Variants in KIF15 observed in about 807,000 individuals in gnomAD.
KIF15 encodes the protein kinesin family member 15.
A neutral mutation model predicts 190.6 loss-of-function variants in KIF15; 140 were observed. The observed-to-expected ratio is 0.73, with a 90% CI of 0.64 to 0.84. KIF15 has a LOEUF of 0.84. Ranked by LOEUF, KIF15 falls within the 40% of genes least tolerant of loss-of-function variation. KIF15 has a pLI of 0.00. For missense variants in KIF15, 1,372 were observed against 1,584.4 expected (o/e 0.87, Z 2.28); for synonymous variants, 528 against 551.3 (o/e 0.96, Z 0.59).
At chr3:44,826,992 C>G (rs1463778453) in intron 22 of KIF15, 1 of 456,276 alleles carries the variant, frequency 2.2e-6, no homozygotes, top group Middle Eastern at 3.2e-4. Flanking sequence ...CGCTTTTCTT[C>G]TAGGCCCTGG....
At chr3:44,766,496 T>G (rs1705380676) in intron 1 of KIF15, among the ~76,000 whole-genome samples, 1 of 152,176 alleles carries the variant, frequency 6.6e-6, no homozygotes, top group Non-Finnish European at 1.5e-5. Context: ...TCAACCACAC[T>G]TGTCTGGGAC....
intron 16 of KIF15, among the ~76,000 whole-genome samples, chr3:44,808,072 A>G (rs1208131395): frequency 6.6e-6 from 1 of 151,948 alleles, no homozygotes; most frequent in Non-Finnish European, 1.5e-5. Context: ...CCAGAGCACT[A>G]GGATTACAGG....
chr3:44,847,834 C>G, intron 30 of KIF15, 151 bp from the exon 31 acceptor site: 1 of 531,908 alleles, frequency 1.9e-6, no homozygotes, highest in East Asian at 3.2e-5. Flanking sequence ...CATTTATCAA[C>G]TGTACTGACT....
intron 26 of KIF15, among the ~76,000 whole-genome samples, chr3:44,831,529 G>A (rs968796680): frequency 3.9e-5 from 6 of 152,120 alleles, no homozygotes; most frequent in African/African-American, 1.4e-4. Flanking sequence ...TAGCAGAAAA[G>A]GGCTGTTTAA....
At chr3:44,768,835 A>C (rs1159428521) in intron 1 of KIF15, among the ~76,000 whole-genome samples, 1 of 152,122 alleles carries the variant, frequency 6.6e-6, no homozygotes, top group East Asian at 1.9e-4. Flanking sequence ...GCACGACTGG[A>C]GTTTGATGAC....
intron 3 of KIF15, 118 bp downstream of exon 3, chr3:44,775,555 A>C: frequency 1.5e-6 from 1 of 668,668 alleles, no homozygotes; most frequent in Admixed American, 2.9e-5. Context: ...TCCCGGGTTC[A>C]AGTGATTCTC....
chr3:44,853,457 G>A (rs933126245), downstream of KIF15, among the ~76,000 whole-genome samples: 1 of 152,174 alleles, frequency 6.6e-6, no homozygotes, highest in Admixed American at 6.5e-5. Flanking sequence ...AACAGCTGAT[G>A]GATACTTGAA....
chr3:44,813,625 G>GTT (rs1288995908), intron 19 of KIF15, among the ~76,000 whole-genome samples: 1 of 102,732 alleles, frequency 9.7e-6, no homozygotes. Context: ...TGTTTTGTTT[G>GTT]TTTTGTTTTT....
At chr3:44,828,079 C>T in intron 23 of KIF15, 135 bp from the exon 24 acceptor site, 3 of 597,872 alleles carry the variant, frequency 5.0e-6, no homozygotes, top group Non-Finnish European at 5.9e-6. Flanking sequence ...TCTTTCAACC[C>T]AATTTATCAT....
In KIF15 at chr3:44,842,773, T is replaced by C. The variant is rs574721465; in HGVS notation, c.3586-352T>C. 3.3e-5 allele frequency among the ~76,000 whole-genome samples: 5 copies of C among 152,346 alleles called. No individual in the cohort carries two copies. In the East Asian group the frequency reaches 7.7e-4, roughly 23 times the overall value. ...GTATTTTGAGGGATGAGCTGTGACGTCAATTTTTTGTTTTAATTAGAATCT... is the reference window on the plus strand; with the variant it reads ...GTATTTTGAGGGATGAGCTGTGACGCCAATTTTTTGTTTTAATTAGAATCT... On this transcript the variant is annotated intron_variant, in intron 29 of 34. Coordinates refer to ENST00000326047, the MANE Select transcript of KIF15 (RefSeq NM_020242.3).
intron 32 of KIF15, among the ~76,000 whole-genome samples, chr3:44,848,853 T>A (rs1391622573): frequency 6.6e-6 from 1 of 152,226 alleles, no homozygotes; most frequent in African/African-American, 2.4e-5. Context: ...GTGTCCCTTT[T>A]CACTTCTGCT....
At chr3:44,861,083 C>T (rs1311122130) in intron 6 of KIF15, among the ~76,000 whole-genome samples, 2 of 152,148 alleles carry the variant, frequency 1.3e-5, no homozygotes, top group Non-Finnish European at 1.5e-5. Flanking sequence ...CCTTCACCTC[C>T]CAGGTTCAAG....
At chr3:44,780,674 T>TG (rs1706120499) in intron 4 of KIF15, among the ~76,000 whole-genome samples, 2 of 152,222 alleles carry the variant, frequency 1.3e-5, no homozygotes, top group African/African-American at 2.4e-5. Context: ...TTGTGTAATA[T>TG]AGAAGCATTT....
intron 24 of KIF15, among the ~76,000 whole-genome samples, chr3:44,829,725 G>T (rs551571667): frequency 1.5e-4 from 19 of 127,216 alleles, no homozygotes; most frequent in South Asian, 5.0e-4. Flanking sequence ...ATATATTATA[G>T]ATGTATATAT....
At chr3:44,812,939 C>T (rs549769651) in intron 18 of KIF15, 136 bp from the exon 19 acceptor site, 42 of 501,238 alleles carry the variant, frequency 8.4e-5, no homozygotes, top group East Asian at 7.4e-4. Flanking sequence ...GAGCCGAGGT[C>T]GCATCACTGC....
At chr3:44,764,350 T>C (rs1246459639) in intron 1 of KIF15, among the ~76,000 whole-genome samples, 1 of 152,216 alleles carries the variant, frequency 6.6e-6, no homozygotes, top group Non-Finnish European at 1.5e-5. Flanking sequence ...ATATAAATGG[T>C]ACAGTATGTA....
rs1044343397 is a variant in KIF15, at chr3:44,831,081, G to A, written c.3171+63G>A. 14 of 1,521,190 alleles carry A rather than the reference G, an allele frequency of 9.2e-6. No homozygotes were observed. In the Admixed American group the frequency reaches 2.6e-4, roughly 28 times the overall value. The allele number at this position is 1,521,190 out of a possible 1,614,324, so 94.2% of individuals were successfully genotyped here. Reference sequence around the variant, plus strand: ...ATTACTTGTCAATATGTGTATTTGTGTGTGGAAGTTATTAATGAATAAATA... The same window carrying A: ...ATTACTTGTCAATATGTGTATTTGTATGTGGAAGTTATTAATGAATAAATA... On this transcript the variant is annotated intron_variant, in intron 26 of 34. Transcript: ENST00000326047.
rs757234575 is a variant in KIF15, at chr3:44,843,179, A to G, written c.3640A>G (p.Lys1214Glu). ...LRLESQQLIE[K>E]NWLLQGQLDD... ...CCTGGAAAGTCAGCAGTTAATAGAG[A>G]AAAACTGGCTCCTGCAAGGTCAGCT... is the stretch of plus-strand genomic sequence containing the variant. The change falls in exon 30 of 35, where the codon AAA becomes GAA. Residue 1214 changes from lysine to glutamate, a missense_variant. By Grantham distance (56) the Lys-to-Glu change is moderately conservative. Transcript: ENST00000326047. 1.9e-6 allele frequency: 3 copies of G among 1,613,580 alleles called. No homozygotes were observed. The highest frequency in any genetic ancestry group is 1.3e-5 in the African/African-American group (1 of 75,030).
chr3:44,775,086 A>G (rs756736390), intron 2 of KIF15, among the ~76,000 whole-genome samples, 168 bp from the exon 3 acceptor site: 2 of 151,442 alleles, frequency 1.3e-5, no homozygotes, highest in Non-Finnish European at 2.9e-5. Flanking sequence ...GGCAACAAGA[A>G]TGAAACTCCA....
Sources: allele counts gnomAD v4.1 joint callset (sites outside exome capture counted in the v4.1 genomes callset), GRCh38; gene constraint gnomAD v4.1.1; transcripts MANE v1.5; gene names NCBI Gene and HGNC (gene_info 2026-07-23, HGNC 2026-07-21).